Variants in PITPNM3 observed in about 807,000 individuals in gnomAD.
PITPNM3 encodes the protein membrane-associated phosphatidylinositol transfer protein 3.
Under a neutral mutation model 102.0 loss-of-function variants are expected in PITPNM3, and 26 were observed. That is an observed-to-expected ratio of 0.25 (90% CI 0.19 to 0.35). The LOEUF is 0.35. PITPNM3 is among the 10% of genes least tolerant of loss of function. PITPNM3 has a pLI of 1.00. For missense variants in PITPNM3, 1,083 were observed against 1,346.1 expected, an observed-to-expected ratio of 0.80 and a Z score of 3.06; for synonymous variants, 578 against 558.6, an observed-to-expected ratio of 1.03 and a Z score of -0.49.
At chr17:6,464,536 T>C in intron 15 of PITPNM3, 119 bp downstream of exon 15, 1 of 1,175,796 alleles carries the variant, frequency 8.5e-7, no homozygotes, top group Non-Finnish European at 1.2e-6. Flanking sequence ...CTCCTGGCCC[T>C]GTGCTTCCAC....
intron 4 of PITPNM3, among the ~76,000 whole-genome samples, chr17:6,488,131 C>G (rs1476264231): frequency 2.0e-5 from 3 of 152,158 alleles, no homozygotes; most frequent in South Asian, 4.1e-4. Flanking sequence ...TGTAGACAAG[C>G]AGGGGCAGCC....
At chr17:6,539,245 G>A (rs911627626) in intron 1 of PITPNM3, among the ~76,000 whole-genome samples, 5 of 152,082 alleles carry the variant, frequency 3.3e-5, no homozygotes, top group African/African-American at 1.2e-4. Context: ...TTCCACCCTC[G>A]GGCCCTGGAT....
chr17:6,546,071 C>T (rs1024234835), intron 1 of PITPNM3, among the ~76,000 whole-genome samples: 86 of 152,326 alleles, frequency 5.6e-4, no homozygotes, highest in African/African-American at 1.9e-3. Context: ...GGCCAGCCAG[C>T]CTATCCTCAG....
At position 6,458,618 on chromosome 17, in the gene PITPNM3, T is replaced by C. The variant is rs982498472; in HGVS notation, c.2491-896A>G. ...CGCTCCGCTCAGGGCTTCTGCCCCC[T>C]CCCCACCACTTCTCCGCCAGCCCCC... On this transcript the variant is annotated intron_variant, in intron 18 of 19. Transcript: ENST00000262483. This position sits in a 1 kb window ranked among gnomAD's most constrained non-coding sequence, Gnocchi z 5.1. Among the ~76,000 whole-genome samples, 1 of 151,880 alleles carries C rather than the reference T, an allele frequency of 6.6e-6. No homozygotes were observed. The highest frequency in any genetic ancestry group is 1.5e-5 in the Non-Finnish European group (1 of 67,946).
intron 3 of PITPNM3, among the ~76,000 whole-genome samples, chr17:6,514,293 C>A (rs1908028649): frequency 6.8e-6 from 1 of 146,404 alleles, no homozygotes. Flanking sequence ...AGATTTAGTA[C>A]TCCAAAAGAC....
At chr17:6,487,344 G>A (rs762612082) in intron 4 of PITPNM3, among the ~76,000 whole-genome samples, 1 of 152,192 alleles carries the variant, frequency 6.6e-6, no homozygotes, top group African/African-American at 2.4e-5. Context: ...GCTTAGAGCA[G>A]GGTGTGGAAC....
Position 6,542,860 on chromosome 17 carries a change from A to G in PITPNM3, c.23-4778T>C, listed in dbSNP as rs76537015. 9.0e-3 allele frequency among the ~76,000 whole-genome samples: 1,364 copies of G among 152,230 alleles called. 20 individuals are homozygous for G. The highest frequency in any genetic ancestry group is 0.031 in the African/African-American group (1,274 of 41,548). On this transcript the variant is annotated intron_variant, in intron 1 of 19. Transcript: ENST00000262483. ...ACCTCCTCCTGAAGACCCTCCTTCC[A>G]TCCACCTTCACTACCACATTTATTT... is the stretch of plus-strand genomic sequence containing the variant.
chr17:6,512,749 G>C (rs1165238777), intron 3 of PITPNM3, among the ~76,000 whole-genome samples: 3 of 152,158 alleles, frequency 2.0e-5, no homozygotes, highest in Admixed American at 1.3e-4. Context: ...AAATTAATCA[G>C]GGATACCCAG....
At chr17:6,473,915 T>C (rs1249302319) in intron 10 of PITPNM3, among the ~76,000 whole-genome samples, 1 of 145,396 alleles carries the variant, frequency 6.9e-6, no homozygotes, top group African/African-American at 2.6e-5. Flanking sequence ...AGGCAGAGGT[T>C]GCAGTGAGCT....
chr17:6,477,915 G>A lies in PITPNM3; in HGVS notation c.900+60C>T, dbSNP rs1394934708. The A allele has an allele frequency of 9.4e-6, 15 of 1,602,520 alleles. No individual in the cohort carries two copies. In the East Asian group the frequency reaches 1.1e-4, roughly 12 times the overall value. On this transcript the variant is annotated intron_variant, in intron 8 of 19. Transcript: ENST00000262483. Reference sequence around the variant, plus strand: ...CGTGAAGAACCAGCACTCTCTCCCCGAGGGGCAGGCCCTGCTCCTATGGGC... The same window carrying A: ...CGTGAAGAACCAGCACTCTCTCCCCAAGGGGCAGGCCCTGCTCCTATGGGC...
chr17:6,522,891 C>A (rs996488109), intron 3 of PITPNM3, among the ~76,000 whole-genome samples: 1 of 152,128 alleles, frequency 6.6e-6, no homozygotes, highest in African/African-American at 2.4e-5. Flanking sequence ...AATGACAAGG[C>A]CATCCTGCTT....
At chr17:6,489,522 C>G (rs1268382548) in intron 4 of PITPNM3, among the ~76,000 whole-genome samples, 1 of 151,928 alleles carries the variant, frequency 6.6e-6, no homozygotes, top group South Asian at 2.1e-4. Flanking sequence ...CAGGCCAGGG[C>G]TCTTCATCAT....
In PITPNM3 at chr17:6,472,041, G is replaced by A. The variant is rs555548081; in HGVS notation, c.1429+616C>T. Among the ~76,000 whole-genome samples, 4 of 152,282 alleles carry A rather than the reference G, an allele frequency of 2.6e-5. No homozygotes were observed. Among genetic ancestry groups the A allele is most frequent in the South Asian group, 4.1e-4 (2 of 4,820 alleles). ...TAGGCTAAATTTCCTCAAGTAGGGCGTGGAGCCAAGGCTCCGATTTCCAAG... is the reference window on the plus strand; with the variant it reads ...TAGGCTAAATTTCCTCAAGTAGGGCATGGAGCCAAGGCTCCGATTTCCAAG... On this transcript the variant is annotated intron_variant, in intron 11 of 19. Coordinates refer to ENST00000262483, the MANE Select transcript of PITPNM3 (RefSeq NM_031220.4). The surrounding 1 kb of genome is among the most constrained non-coding windows in gnomAD (Gnocchi z 4.1).
chr17:6,536,031 C>T (rs1219093520), intron 2 of PITPNM3, among the ~76,000 whole-genome samples: 1 of 150,128 alleles, frequency 6.7e-6, no homozygotes, highest in East Asian at 2.0e-4. Flanking sequence ...TCCGTTGCAC[C>T]GCCACCTGGG....
At chr17:6,503,455 G>C (rs1368909041) in intron 4 of PITPNM3, 72 bp downstream of exon 4, 7 of 1,522,672 alleles carry the variant, frequency 4.6e-6, no homozygotes, top group Non-Finnish European at 6.4e-6. Context: ...TGGATGAGAG[G>C]GGACCCAGGC....
Position 6,455,274 on chromosome 17 carries a change from C to T in PITPNM3, c.*64G>A. On this transcript the variant is annotated 3_prime_UTR_variant, in exon 20 of 20. Coordinates refer to ENST00000262483, the MANE Select transcript of PITPNM3 (RefSeq NM_031220.4). The stretch of plus-strand genomic sequence containing the variant: ...GCCTGTGTCGGGGAGAGGGCAGCCC[C>T]CTCCCGTCCCCGCAGGCAGCCTGAT... 1 of 1,500,306 alleles carries T rather than the reference C, an allele frequency of 6.7e-7. No homozygotes were observed. The allele number at this position is 1,500,306 out of a possible 1,614,324, so 92.9% of individuals were successfully genotyped here. A position where few individuals can be genotyped will look rare whatever the true frequency, so the allele number is the denominator to read the frequency against.
At position 6,468,302 on chromosome 17, in the gene PITPNM3, G is replaced by A. The variant is rs371392233; in HGVS notation, c.1813C>T (p.Arg605Cys). 1.9e-5 allele frequency: 30 copies of A among 1,613,974 alleles called. No individual in the cohort carries two copies. The highest frequency in any genetic ancestry group is 2.7e-5 in the African/African-American group (2 of 75,038). ...YESVNIKESA[R>C]LDPAALSPAN... ...GGACTCAGTGCTGCAGGGTCCAGGC[G>A]GGCGCTTTCCTTGATGTTCACGCTC... Residue 605 changes from arginine (R) to cysteine (C), a missense_variant, in exon 14 of 20, where the codon CGC (arginine) becomes TGC (cysteine). Arg to Cys is a radical substitution (Grantham distance 180). Coordinates refer to ENST00000262483, the MANE Select transcript of PITPNM3 (RefSeq NM_031220.4). This position sits in a 1 kb window ranked among gnomAD's most constrained non-coding sequence, Gnocchi z 5.2.
Position 6,455,244 on chromosome 17 carries a change from A to C in PITPNM3, c.*94T>G, listed in dbSNP as rs1914034451. Reference sequence around the variant, plus strand: ...ACAGACACGGGAGGGAAAAAGCAGGAAAACGCCTGTGTCGGGGAGAGGGCA... The same window carrying C: ...ACAGACACGGGAGGGAAAAAGCAGGCAAACGCCTGTGTCGGGGAGAGGGCA... On this transcript the variant is annotated 3_prime_UTR_variant, in exon 20 of 20. Coordinates refer to ENST00000262483, the MANE Select transcript of PITPNM3 (RefSeq NM_031220.4). 9.8e-6 allele frequency: 14 copies of C among 1,423,872 alleles called. No homozygotes were observed. Among genetic ancestry groups the C allele is most frequent in the Non-Finnish European group, 1.3e-5 (14 of 1,070,386 alleles). The allele number at this position is 1,423,872 out of a possible 1,614,324, so 88.2% of individuals were successfully genotyped here. A position where few individuals can be genotyped will look rare whatever the true frequency, so the allele number is the denominator to read the frequency against.
chr17:6,552,685 C>T (rs1910375708), intron 1 of PITPNM3, among the ~76,000 whole-genome samples: 1 of 151,982 alleles, frequency 6.6e-6, no homozygotes, highest in Non-Finnish European at 1.5e-5. Flanking sequence ...ACATGTGCCT[C>T]TTCCTTTCCA....
Sources: gnomAD v4.1 joint callset for allele counts (sites outside exome capture counted in the v4.1 genomes callset) on GRCh38, gnomAD v4.1.1 for gene constraint, Gnocchi (gnomAD v3.1) non-coding constraint, MANE v1.5 for transcripts, NCBI Gene and HGNC (gene_info 2026-07-23, HGNC 2026-07-21) for gene names.